Variants in IQCJ observed in about 807,000 individuals in gnomAD.
The protein encoded by IQCJ is IQ motif containing J, also known as IQ domain-containing protein J.
Under a neutral mutation model 11.0 loss-of-function variants are expected in IQCJ, and 9 were observed. The ratio of observed to expected loss-of-function variants is 0.82; its 90% CI spans 0.49 to 1.43. The LOEUF is 1.43. Among genes scored for constraint, IQCJ ranks in the 40% most tolerant of loss-of-function variants. The pLI is 0.00. For synonymous variants in IQCJ, 55 were observed against 51.3 expected (o/e 1.07, Z -0.31); for missense variants, 146 against 133.2 (o/e 1.10, Z -0.47).
intron 1 of IQCJ, among the ~76,000 whole-genome samples, chr3:159,138,150 G>C (rs1002747322): frequency 6.6e-6 from 1 of 152,166 alleles, no homozygotes; most frequent in Non-Finnish European, 1.5e-5. Flanking sequence ...CAGCTCAGAC[G>C]GGACAGTTGG....
chr3:159,106,536 G>A lies in IQCJ; in HGVS notation c.9+37095G>A, dbSNP rs188786218. On this transcript the variant is annotated intron_variant, in intron 1 of 3. Coordinates refer to ENST00000397832, the MANE Select transcript of IQCJ (RefSeq NM_001042706.3). Reference sequence around the variant, plus strand: ...AGGGTGGAGTGGGGTGGGGGAAGCGGGGAGAGAGAGAGATATTTACTACTA... The same window carrying A: ...AGGGTGGAGTGGGGTGGGGGAAGCGAGGAGAGAGAGAGATATTTACTACTA... Among the ~76,000 whole-genome samples, 50 of 152,098 alleles carry A rather than the reference G, an allele frequency of 3.3e-4. No homozygotes were observed. In the East Asian group the frequency reaches 4.0e-3, roughly 12 times the overall value.
At chr3:159,102,355 G>T (rs1278986802) in intron 1 of IQCJ, among the ~76,000 whole-genome samples, 1 of 152,204 alleles carries the variant, frequency 6.6e-6, no homozygotes, top group African/African-American at 2.4e-5. Context: ...AAGAGTGATA[G>T]AAGACAAATC....
intron 1 of IQCJ, among the ~76,000 whole-genome samples, chr3:159,082,049 T>C (rs1050242956): frequency 6.6e-6 from 1 of 152,122 alleles, no homozygotes; most frequent in South Asian, 2.1e-4. Context: ...TTTTTCATTG[T>C]ATTGGCTTAT....
At chr3:159,143,375 C>A (rs1014689387) in intron 1 of IQCJ, among the ~76,000 whole-genome samples, 2 of 152,190 alleles carry the variant, frequency 1.3e-5, no homozygotes, top group Admixed American at 1.3e-4. Context: ...TAGTTCCTTA[C>A]CCCACTACCC....
Position 159,085,765 on chromosome 3 carries a change from G to T in IQCJ, c.9+16324G>T, listed in dbSNP as rs554121273. Among the ~76,000 whole-genome samples, 4 of 149,092 alleles carry T rather than the reference G, an allele frequency of 2.7e-5. No individual in the cohort carries two copies. The South Asian group carries it at 8.5e-4, about 32-fold the overall frequency. ...CCTTCGCCCACTTTTTGATGGGGTT[G>T]TTTTTTTTTTCTTGTAAATTTGTTT... is the stretch of plus-strand genomic sequence containing the variant. On this transcript the variant is annotated intron_variant, in intron 1 of 3. Coordinates refer to ENST00000397832, the MANE Select transcript of IQCJ (RefSeq NM_001042706.3).
intron 1 of IQCJ, among the ~76,000 whole-genome samples, chr3:159,155,326 T>G (rs1028921490): frequency 1.1e-5 from 1 of 93,830 alleles, no homozygotes; most frequent in East Asian, 4.6e-4. Flanking sequence ...CCTGACTAAC[T>G]GTTGTATTTT....
chr3:159,208,897 C>T (rs184798062), intron 1 of IQCJ, among the ~76,000 whole-genome samples: 16 of 152,134 alleles, frequency 1.1e-4, no homozygotes, highest in Non-Finnish European at 2.2e-4. Context: ...AGAAAGAATG[C>T]CATGTGAAGA....
chr3:159,107,039 CT>C (rs969919735), intron 1 of IQCJ, among the ~76,000 whole-genome samples: 5 of 152,174 alleles, frequency 3.3e-5, no homozygotes, highest in Admixed American at 3.3e-4. Context: ...ATGACCCCTA[CT>C]TTTTTTTCTT....
chr3:159,089,192 T>A (rs544357462), intron 1 of IQCJ, among the ~76,000 whole-genome samples: 1 of 152,300 alleles, frequency 6.6e-6, no homozygotes, highest in East Asian at 1.9e-4. Context: ...TTAGTTTGGC[T>A]GGATATGAAG....
chr3:159,245,620 C>G (rs1727223132), intron 1 of IQCJ, among the ~76,000 whole-genome samples: 1 of 152,018 alleles, frequency 6.6e-6, no homozygotes, highest in South Asian at 2.1e-4. Flanking sequence ...TGCTACCATG[C>G]CTGGCTAATT....
intron 1 of IQCJ, among the ~76,000 whole-genome samples, chr3:159,172,590 A>G (rs533113257): frequency 6.6e-6 from 1 of 152,248 alleles, no homozygotes; most frequent in African/African-American, 2.4e-5. Flanking sequence ...GGTTTGAAAT[A>G]AAATTCATAA....
chr3:159,215,013 T>C (rs1725148032), intron 1 of IQCJ, among the ~76,000 whole-genome samples: 2 of 152,218 alleles, frequency 1.3e-5, no homozygotes, highest in African/African-American at 2.4e-5. Flanking sequence ...ACTATCCTTC[T>C]AAGTTATTGA....
chr3:159,152,748 A>G (rs898695956), intron 1 of IQCJ, among the ~76,000 whole-genome samples: 1 of 152,248 alleles, frequency 6.6e-6, no homozygotes, highest in Non-Finnish European at 1.5e-5. Flanking sequence ...CTAGTAAGGG[A>G]GAGAGAAAAA....
At chr3:159,249,866 T>G (rs1341966390) in intron 2 of IQCJ, among the ~76,000 whole-genome samples, 5 of 151,210 alleles carry the variant, frequency 3.3e-5, no homozygotes, top group African/African-American at 1.2e-4. Flanking sequence ...CCATACTATC[T>G]GAGACCATTG....
intron 1 of IQCJ, among the ~76,000 whole-genome samples, chr3:159,213,004 C>T (rs1010050280): frequency 1.3e-5 from 2 of 152,032 alleles, no homozygotes; most frequent in Admixed American, 6.6e-5. Context: ...ATTTATTGAG[C>T]GAACTTACAG....
At chr3:159,091,336 T>G (rs1363897161) in intron 1 of IQCJ, among the ~76,000 whole-genome samples, 1 of 151,790 alleles carries the variant, frequency 6.6e-6, no homozygotes, top group Non-Finnish European at 1.5e-5. Flanking sequence ...CTGACACGGT[T>G]GGGCTCTTGT....
At chr3:159,154,363 A>G (rs1422477714) in intron 1 of IQCJ, among the ~76,000 whole-genome samples, 2 of 152,220 alleles carry the variant, frequency 1.3e-5, no homozygotes, top group Non-Finnish European at 2.9e-5. Context: ...TTTATCATCA[A>G]GAGATGAGAG....
intron 1 of IQCJ, among the ~76,000 whole-genome samples, chr3:159,116,628 A>G (rs1368089498): frequency 2.6e-4 from 6 of 23,220 alleles, no homozygotes; most frequent in East Asian, 1.8e-3. Context: ...ATATATATAT[A>G]TATATATATA....
chr3:159,152,798 A>C (rs1721305737), intron 1 of IQCJ, among the ~76,000 whole-genome samples: 1 of 152,242 alleles, frequency 6.6e-6, no homozygotes, highest in Non-Finnish European at 1.5e-5. Context: ...CAATAGATTC[A>C]GTGAATTAAT....
Sources: allele counts gnomAD v4.1 joint callset (sites outside exome capture counted in the v4.1 genomes callset), GRCh38; gene constraint gnomAD v4.1.1; transcripts MANE v1.5; gene names NCBI Gene and HGNC (gene_info 2026-07-23, HGNC 2026-07-21).